Variants in NUDT4 observed in about 807,000 individuals in gnomAD.
NUDT4 encodes nudix hydrolase 4.
In NUDT4, 5 loss-of-function variants were observed where a neutral mutation model predicts 23.1. The ratio of observed to expected loss-of-function variants is 0.22; its 90% confidence interval spans 0.11 to 0.46. NUDT4 has a LOEUF of 0.46. NUDT4 is among the 20% of genes least tolerant of loss of function. The pLI is 0.99. For missense variants in NUDT4, 96 were observed against 211.6 expected (o/e 0.45, Z 3.39); for synonymous variants, 50 against 79.0 (o/e 0.63, Z 1.95).
At chr12:93,382,203 G>T (rs1474900552) in intron 1 of NUDT4, among the ~76,000 whole-genome samples, 1 of 150,504 alleles carries the variant, frequency 6.6e-6, no homozygotes, top group Non-Finnish European at 1.5e-5. Flanking sequence ...GGTGGAGGCT[G>T]CAGTGAGCCG....
chr12:93,408,144 G>C lies in NUDT4; in HGVS notation c.*8765G>C, dbSNP rs1027924667. ...AATGTTGATTTCTATTTCGTTTCTT[G>C]AAGTTTTGTGTGGTTCATTTTTAAA... is the stretch of plus-strand genomic sequence containing the variant. On this transcript the variant is annotated 3_prime_UTR_variant, in exon 5 of 5. Transcript: ENST00000415493. 4 of 152,132 alleles carry C rather than the reference G, an allele frequency of 2.6e-5. No individual in the cohort carries two copies. The highest frequency in any genetic ancestry group is 5.9e-5 in the Non-Finnish European group (4 of 68,016). The allele number at this position is 152,132 out of a possible 1,614,324, so 9.4% of individuals were successfully genotyped here.
In NUDT4 at chr12:93,378,434, G is replaced by T. The variant is rs112856866; in HGVS notation, c.99+13G>T. On this transcript the variant is annotated intron_variant, in intron 1 of 4. Transcript: ENST00000415493. ...GCAGGAGGACGAGGTAGGGCGCCCG[G>T]CGCCGCACGCTGCCCTCCGGGGCGC... 5 of 1,541,834 alleles carry T rather than the reference G, an allele frequency of 3.2e-6. No homozygotes were observed. Among genetic ancestry groups the T allele is most frequent in the Non-Finnish European group, 4.4e-6 (5 of 1,142,516 alleles).
rs1592735820 is a variant in NUDT4, at chr12:93,404,046, G to A, written c.*4667G>A. 6.6e-6 allele frequency: 1 copy of A among 152,138 alleles called. No individual in the cohort carries two copies. Among genetic ancestry groups the A allele is most frequent in the South Asian group, 2.1e-4 (1 of 4,822 alleles). 9.4% of individuals were successfully genotyped at this position (152,138 alleles called of 1,614,324 possible). On this transcript the variant is annotated 3_prime_UTR_variant, in exon 5 of 5. Transcript: ENST00000415493. Reference sequence around the variant, plus strand: ...TTTGACAAACATCTCCCAATATGTAGACTCCCACTCTCCTGATGCTAATCA... The same window carrying A: ...TTTGACAAACATCTCCCAATATGTAAACTCCCACTCTCCTGATGCTAATCA...
chr12:93,389,248 A>G (rs1351168925), intron 1 of NUDT4, among the ~76,000 whole-genome samples: 2 of 151,970 alleles, frequency 1.3e-5, no homozygotes, highest in African/African-American at 4.8e-5. Context: ...TGAGGCGGGC[A>G]GATCACCTGA....
At chr12:93,384,246 CA>C (rs1045688190) in intron 1 of NUDT4, among the ~76,000 whole-genome samples, 1 of 152,034 alleles carries the variant, frequency 6.6e-6, no homozygotes, top group African/African-American at 2.4e-5. Flanking sequence ...CAGCTCACTG[CA>C]AACTCTGCCT....
chr12:93,400,167 C>CCCATTATCGATACT lies in NUDT4; in HGVS notation c.*790_*803dup, dbSNP rs1309289850. 6.6e-6 allele frequency: 1 copy of CCCATTATCGATACT among 151,754 alleles called. No homozygotes were observed. The highest frequency in any genetic ancestry group is 1.5e-5 in the Non-Finnish European group (1 of 67,984). 9.4% of individuals were successfully genotyped at this position (151,754 alleles called of 1,614,324 possible). A position where few individuals can be genotyped will look rare whatever the true frequency, so the allele number is the denominator to read the frequency against. Reference sequence around the variant, plus strand: ...GATTTAGCATGCTCAGTTGCCAGTTCCCATTATCGATACTCTTTCTTTGCA... The same window carrying CCCATTATCGATACT: ...GATTTAGCATGCTCAGTTGCCAGTTCCCATTATCGATACTCCATTATCGATACTCTTTCTTTGCA... On this transcript the variant is annotated 3_prime_UTR_variant, in exon 5 of 5. Coordinates refer to ENST00000415493, the MANE Select transcript of NUDT4 (RefSeq NM_019094.6).
At chr12:93,386,569 G>C (rs1876115401) in intron 1 of NUDT4, among the ~76,000 whole-genome samples, 2 of 150,680 alleles carry the variant, frequency 1.3e-5, no homozygotes, top group Admixed American at 1.3e-4. Context: ...GACAGAGTGA[G>C]ACCCTGTTTC....
chr12:93,388,186 G>C (rs191921626), intron 1 of NUDT4, among the ~76,000 whole-genome samples: 3 of 152,336 alleles, frequency 2.0e-5, no homozygotes, highest in Admixed American at 1.3e-4. Context: ...ATAATTTGAA[G>C]TTATTGGTCT....
chr12:93,399,826 CCATT>C lies in NUDT4; in HGVS notation c.*450_*453del, dbSNP rs1391583769. The C allele has an allele frequency of 1.3e-5, 2 of 158,772 alleles. No homozygotes were observed. Among genetic ancestry groups the C allele is most frequent in the East Asian group, 1.8e-4 (1 of 5,500 alleles). The allele number at this position is 158,772 out of a possible 1,614,324, so 9.8% of individuals were successfully genotyped here. A position where few individuals can be genotyped will look rare whatever the true frequency, so the allele number is the denominator to read the frequency against. On this transcript the variant is annotated 3_prime_UTR_variant, in exon 5 of 5. Transcript: ENST00000415493. ...AAAATATTATTGGTATTAAAGAAAT[CCATT>C]CACCCCAAAACTTGTTTTACAGGAT...
chr12:93,403,248 A>T lies in NUDT4; in HGVS notation c.*3869A>T, dbSNP rs960658765. 4 of 152,142 alleles carry T rather than the reference A, an allele frequency of 2.6e-5. No homozygotes were observed. Among genetic ancestry groups the T allele is most frequent in the African/African-American group, 9.7e-5 (4 of 41,422 alleles). The allele number at this position is 152,142 out of a possible 1,614,324, so 9.4% of individuals were successfully genotyped here. ...GTATTTGTGATAAGAGCACAAAACA[A>T]TTTTCTAATCTCAAAGAGCTTATAT... is the stretch of plus-strand genomic sequence containing the variant. On this transcript the variant is annotated 3_prime_UTR_variant, in exon 5 of 5. Coordinates refer to ENST00000415493, the MANE Select transcript of NUDT4 (RefSeq NM_019094.6).
chr12:93,388,647 G>T (rs1876273394), intron 1 of NUDT4, among the ~76,000 whole-genome samples: 2 of 152,156 alleles, frequency 1.3e-5, no homozygotes, highest in Non-Finnish European at 2.9e-5. Flanking sequence ...TTTCCTGCTA[G>T]CCCATTTTCA....
intron 1 of NUDT4, among the ~76,000 whole-genome samples, chr12:93,382,498 T>A (rs1379759338): frequency 6.6e-6 from 1 of 152,104 alleles, no homozygotes; most frequent in Non-Finnish European, 1.5e-5. Flanking sequence ...ACAATACTAA[T>A]TCAAAATATT....
chr12:93,385,925 T>C (rs1288393452), intron 1 of NUDT4, among the ~76,000 whole-genome samples: 1 of 134,940 alleles, frequency 7.4e-6, no homozygotes, highest in African/African-American at 2.7e-5. Context: ...TATATATATA[T>C]ATATAGTAAA....
At chr12:93,388,027 G>C (rs1876234037) in intron 1 of NUDT4, among the ~76,000 whole-genome samples, 1 of 152,108 alleles carries the variant, frequency 6.6e-6, no homozygotes, top group Admixed American at 6.6e-5. Flanking sequence ...AGATGAGTAG[G>C]CAAGTACTTA....
Position 93,392,250 on chromosome 12 carries a change from C to A in NUDT4, c.100-2359C>A, listed in dbSNP as rs1026626823. 2.9e-5 allele frequency among the ~76,000 whole-genome samples: 4 copies of A among 138,816 alleles called. 1 individual carries two copies. The highest frequency in any genetic ancestry group is 2.2e-4 in the Admixed American group (3 of 13,826). The allele number at this position is 138,816 out of a possible 152,430, so 91.1% of individuals were successfully genotyped here. ...CACAAATATTCCTTTGTTTCCCCCC[C>A]CCCCTTTTTTTTTTCCTTTTTTTGA... is the stretch of plus-strand genomic sequence containing the variant. On this transcript the variant is annotated intron_variant, in intron 1 of 4. Coordinates refer to ENST00000415493, the MANE Select transcript of NUDT4 (RefSeq NM_019094.6).
rs1203544880 is a variant in NUDT4, at chr12:93,408,004, T to G, written c.*8625T>G. The G allele has an allele frequency of 6.6e-6, 1 of 152,242 alleles. No homozygotes were observed. Among genetic ancestry groups the G allele is most frequent in the Non-Finnish European group, 1.5e-5 (1 of 68,036 alleles). The allele number at this position is 152,242 out of a possible 1,614,324, so 9.4% of individuals were successfully genotyped here. A position where few individuals can be genotyped will look rare whatever the true frequency, so the allele number is the denominator to read the frequency against. ...TTCTGTACTTCTATAACTCACAAAT[T>G]TAGCAGACATCATTTAGACATTTTT... On this transcript the variant is annotated 3_prime_UTR_variant, in exon 5 of 5. Transcript: ENST00000415493.
intron 1 of NUDT4, among the ~76,000 whole-genome samples, chr12:93,384,313 G>A (rs752940485): frequency 2.0e-5 from 3 of 152,084 alleles, no homozygotes; most frequent in African/African-American, 7.2e-5. Flanking sequence ...GACTACAGGC[G>A]TGTGCTACCA....
chr12:93,397,561 C>CTAA lies in NUDT4; in HGVS notation c.256-1209_256-1208insAAT, dbSNP rs574996251. Among the ~76,000 whole-genome samples the CTAA allele has an allele frequency of 3.6e-3, 548 of 151,756 alleles. 3 individuals carry two copies. Among genetic ancestry groups the CTAA allele is most frequent in the Middle Eastern group, 0.017 (5 of 294 alleles). On this transcript the variant is annotated intron_variant, in intron 3 of 4. Coordinates refer to ENST00000415493, the MANE Select transcript of NUDT4 (RefSeq NM_019094.6). ...TTTTTTTTTTAGATGGGGTATCATT[C>CTAA]TGTCATCCAGGCTTTAGTGCAGTGG...
chr12:93,395,377 G>T (rs1876861585), intron 2 of NUDT4, 112 bp from the exon 3 acceptor site: 1 of 753,940 alleles, frequency 1.3e-6, no homozygotes, highest in South Asian at 1.5e-5. Flanking sequence ...GTTGGTATGG[G>T]GAGGGGTATT....
Sources: gnomAD v4.1 joint callset for allele counts (sites outside exome capture counted in the v4.1 genomes callset) on GRCh38, gnomAD v4.1.1 for gene constraint, MANE v1.5 for transcripts, NCBI Gene and HGNC (gene_info 2026-07-23, HGNC 2026-07-21) for gene names.